Variants in USO1 observed in about 807,000 individuals in gnomAD.
USO1 encodes general vesicular transport factor p115.
Under a neutral mutation model 124.5 loss-of-function variants are expected in USO1, and 57 were observed. The observed-to-expected ratio is 0.46, with a 90% CI of 0.37 to 0.57. The LOEUF (loss-of-function observed/expected upper bound fraction) is 0.57, where lower values mean the gene tolerates loss of function less well. Ranked by LOEUF, USO1 falls within the 20% of genes least tolerant of loss-of-function variation. The pLI is 0.00. For synonymous variants in USO1, 369 were observed against 362.8 expected (o/e 1.02, Z -0.19); for missense variants, 900 against 1,040.6 (o/e 0.86, Z 1.86).
chr4:75,789,658 A>C (rs1722471464), intron 10 of USO1, among the ~76,000 whole-genome samples: 1 of 152,200 alleles, frequency 6.6e-6, no homozygotes, highest in African/African-American at 2.4e-5. Context: ...AATTAACAAA[A>C]ATGGTATATA....
At chr4:75,737,018 T>A (rs6842216) in intron 1 of USO1, among the ~76,000 whole-genome samples, 137,426 of 152,218 alleles carry the variant, frequency 0.9, 62,193 homozygotes, top group African/African-American at 0.97. Context: ...GTTTGGGATG[T>A]TACTCGAGCC....
chr4:75,739,002 G>A (rs895144953), intron 1 of USO1, among the ~76,000 whole-genome samples: 2 of 151,818 alleles, frequency 1.3e-5, no homozygotes, highest in African/African-American at 2.4e-5. Context: ...ACAGGTGCCC[G>A]CCACCATGCC....
intron 9 of USO1, 68 bp downstream of exon 9, chr4:75,782,926 G>A (rs1012210769): frequency 6.1e-6 from 9 of 1,465,714 alleles, no homozygotes; most frequent in East Asian, 2.7e-5. Flanking sequence ...GAAGAAAATC[G>A]CTTGTATTTG....
At chr4:75,785,993 C>G (rs953023382) in intron 9 of USO1, among the ~76,000 whole-genome samples, 3 of 151,992 alleles carry the variant, frequency 2.0e-5, no homozygotes, top group African/African-American at 7.2e-5. Flanking sequence ...ATTAATGAAC[C>G]CTCTTTGAGA....
At position 75,798,574 on chromosome 4, in the gene USO1, A is replaced by G. The variant is rs188341268; in HGVS notation, c.1453-1048A>G. Among the ~76,000 whole-genome samples the G allele has an allele frequency of 1.3e-3, 199 of 152,332 alleles. 1 individual carries two copies. The highest frequency in any genetic ancestry group is 4.7e-3 in the African/African-American group (194 of 41,578). On this transcript the variant is annotated intron_variant, in intron 13 of 23. Transcript: ENST00000514213. ...AGTGCTTACCTGGCAAATCATTTGA[A>G]GAGGTCCTGTTTGAACTTAATTCAA... is the stretch of plus-strand genomic sequence containing the variant.
At chr4:75,791,861 C>A (rs961505303) in intron 12 of USO1, among the ~76,000 whole-genome samples, 3 of 151,386 alleles carry the variant, frequency 2.0e-5, no homozygotes, top group African/African-American at 7.3e-5. Flanking sequence ...AAAATAAGAC[C>A]CTGATGTAGT....
At chr4:75,804,323 C>G (rs1426606420) in intron 18 of USO1, 51 bp downstream of exon 18, 1 of 1,568,922 alleles carries the variant, frequency 6.4e-7, no homozygotes, top group Non-Finnish European at 8.6e-7. Flanking sequence ...ATTCTTTCCT[C>G]AAGAGCTAGA....
chr4:75,734,069 C>T (rs920055468), intron 1 of USO1, among the ~76,000 whole-genome samples: 1 of 151,280 alleles, frequency 6.6e-6, no homozygotes, highest in Non-Finnish European at 1.5e-5. Context: ...CTTCAGCCTC[C>T]CAAGTAGCTG....
At chr4:75,726,629 C>T (rs1720471088) in intron 1 of USO1, among the ~76,000 whole-genome samples, 1 of 152,062 alleles carries the variant, frequency 6.6e-6, no homozygotes, top group Non-Finnish European at 1.5e-5. Flanking sequence ...AGATGAAAGC[C>T]GGTAAATCTG....
intron 8 of USO1, among the ~76,000 whole-genome samples, chr4:75,776,136 A>G (rs1285249687): frequency 6.6e-6 from 1 of 152,204 alleles, no homozygotes; most frequent in African/African-American, 2.4e-5. Flanking sequence ...GAGATGGTAC[A>G]GCCATATAGC....
At chr4:75,743,209 T>G (rs1419373780) in intron 1 of USO1, among the ~76,000 whole-genome samples, 1 of 152,012 alleles carries the variant, frequency 6.6e-6, no homozygotes, top group Admixed American at 6.6e-5. Context: ...ATGGTCACGA[T>G]CTCCTGACCT....
intron 4 of USO1, among the ~76,000 whole-genome samples, chr4:75,766,389 T>C (rs892549093): frequency 3.3e-5 from 5 of 152,232 alleles, no homozygotes; most frequent in Non-Finnish European, 7.3e-5. Flanking sequence ...GGTTCTCAAG[T>C]GAGGGCAATT....
At chr4:75,781,692 G>A (rs1220318636) in intron 8 of USO1, among the ~76,000 whole-genome samples, 2 of 152,026 alleles carry the variant, frequency 1.3e-5, no homozygotes, top group African/African-American at 4.8e-5. Context: ...AGATGTCTGT[G>A]TAGAGAAACT....
chr4:75,804,815 A>G (rs1298480354), intron 18 of USO1, among the ~76,000 whole-genome samples: 1 of 152,220 alleles, frequency 6.6e-6, no homozygotes, highest in Non-Finnish European at 1.5e-5. Context: ...GTATTATCCT[A>G]CGGTGCTTGT....
At chr4:75,801,277 C>T (rs1722844049) in intron 17 of USO1, 77 bp downstream of exon 17, 6 of 1,423,358 alleles carry the variant, frequency 4.2e-6, no homozygotes, top group Non-Finnish European at 5.5e-6. Flanking sequence ...TTTTTTCTGA[C>T]ATTTCAAATG....
chr4:75,788,547 C>CTTTTCTT (rs1553901541), intron 10 of USO1, among the ~76,000 whole-genome samples: 4 of 139,762 alleles, frequency 2.9e-5, no homozygotes, highest in Non-Finnish European at 6.2e-5. Context: ...CTTTTCTTTT[C>CTTTTCTT]TTTTTTTTTT....
intron 17 of USO1, 142 bp downstream of exon 17, chr4:75,801,342 C>T: frequency 1.0e-6 from 1 of 989,636 alleles, no homozygotes; most frequent in Non-Finnish European, 1.4e-6. Flanking sequence ...GAGTATTCAA[C>T]AAACAGAGTG....
At chr4:75,789,990 A>G (rs1425702894) in intron 10 of USO1, among the ~76,000 whole-genome samples, 160 bp from the exon 11 acceptor site, 2 of 151,476 alleles carry the variant, frequency 1.3e-5, no homozygotes, top group Non-Finnish European at 1.5e-5. Context: ...TTTTTCATGT[A>G]TACATATGTA....
At chr4:75,796,681 A>G (rs1722692368) in intron 13 of USO1, among the ~76,000 whole-genome samples, 1 of 151,482 alleles carries the variant, frequency 6.6e-6, no homozygotes, top group South Asian at 2.1e-4. Context: ...TTATCGTGTA[A>G]AATCTGTGGT....
Sources: gnomAD v4.1 joint callset for allele counts (sites outside exome capture counted in the v4.1 genomes callset) on GRCh38, gnomAD v4.1.1 for gene constraint, MANE v1.5 for transcripts, NCBI Gene and HGNC (gene_info 2026-07-23, HGNC 2026-07-21) for gene names.